Variants in GFY observed in about 807,000 individuals in gnomAD.
GFY encodes the protein Golgi-associated olfactory signaling regulator.
GFY carries 28 observed loss-of-function variants against 29.1 expected under a neutral mutation model. That is an observed-to-expected ratio of 0.96 (90% CI 0.71 to 1.32). GFY has a LOEUF of 1.32. Ranked by LOEUF, GFY falls within the 40% of genes most tolerant of loss-of-function variation. The pLI is 0.00. For missense variants in GFY, 656 were observed against 661.9 expected (o/e 0.99, Z 0.10); for synonymous variants, 277 against 274.5 (o/e 1.01, Z -0.09).
chr19:49,426,488 A>T lies in GFY; in HGVS notation c.58A>T (p.Lys20Ter). The T allele has an allele frequency of 6.5e-7, 1 of 1,536,126 alleles. No individual in the cohort carries two copies. Among genetic ancestry groups the T allele is most frequent in the Non-Finnish European group, 8.7e-7 (1 of 1,146,900 alleles). The change falls in exon 2 of 4, where the codon AAG becomes TAG. Residue 20 changes from lysine (K) to a stop codon, truncating the protein, a stop_gained. Coordinates refer to ENST00000610896, the MANE Select transcript of GFY (RefSeq NM_001195256.2). LOFTEE classifies it high-confidence loss of function. ...CTTCCTCCTCGCCGGCCTGAGGTCC[A>T]AGGCCGCTCCCTCAGCCCCTCTGCC... ...LVFLLAGLRS[K>*]AAPSAPLPLG... is the part of the protein sequence containing the mutation.
In GFY at chr19:49,427,228, C is replaced by T; in HGVS notation, c.798C>T (p.Tyr266=). ...ISQTEFPTTY[Y]QNATDVPRTS... ...AAACAGAATTCCCCACAACCTACTA[C>T]CAAAATGCAACAGATGTACCCAGGA... The change falls in exon 2 of 4, where the codon TAC becomes TAT. Residue 266 remains tyrosine (Y), a synonymous_variant. Coordinates refer to ENST00000610896, the MANE Select transcript of GFY (RefSeq NM_001195256.2). The T allele has an allele frequency of 6.5e-7, 1 of 1,536,104 alleles. No homozygotes were observed. The highest frequency in any genetic ancestry group is 1.2e-5 in the South Asian group (1 of 84,050).
chr19:49,425,125 G>A (rs569086226), upstream of GFY, among the ~76,000 whole-genome samples: 1 of 151,640 alleles, frequency 6.6e-6, no homozygotes, highest in South Asian at 2.1e-4. Context: ...GGGAGCTGGG[G>A]GATACAACTT....
Position 49,426,459 on chromosome 19 carries a change from T to C in GFY, c.29T>C (p.Leu10Pro), listed in dbSNP as rs1194948477. 2.6e-6 allele frequency: 4 copies of C among 1,535,570 alleles called. No individual in the cohort carries two copies. The African/African-American group carries it at 4.1e-5, about 16-fold the overall frequency. ...AAATCATTCAGCCGGATCCTCTTCC[T>C]CGTCTTCCTCCTCGCCGGCCTGAGG... MKSFSRILF[L>P]VFLLAGLRSK... is the part of the protein sequence containing the mutation. Residue 10 changes from leucine to proline, a missense_variant, in exon 2 of 4, where the codon CTC becomes CCC. By Grantham distance (98) the Leu-to-Pro change is moderately conservative. Transcript: ENST00000610896.
At chr19:49,424,387 T>C (rs548529972), upstream of GFY, among the ~76,000 whole-genome samples, 526 of 152,208 alleles carry the variant, frequency 3.5e-3, 9 homozygotes, top group Non-Finnish European at 8.2e-4. Context: ...GGATTACAGG[T>C]GCCCACCATC....
intron 3 of GFY, among the ~76,000 whole-genome samples, 171 bp from the exon 4 acceptor site, chr19:49,428,448 G>A (rs371427649): frequency 4.6e-5 from 7 of 151,994 alleles, no homozygotes; most frequent in African/African-American, 1.7e-4. Context: ...ACGCCTCCTG[G>A]TTTCTGCAGC....
chr19:49,425,761 C>A (rs1975065350), intron 1 of GFY, among the ~76,000 whole-genome samples: 1 of 152,156 alleles, frequency 6.6e-6, no homozygotes, highest in South Asian at 2.1e-4. Flanking sequence ...ACCAAGAGCT[C>A]AAGGCCTCTT....
chr19:49,427,582 C>A lies in GFY; in HGVS notation c.1152C>A (p.Thr384=). The A allele has an allele frequency of 6.7e-7, 1 of 1,485,080 alleles. No homozygotes were observed. The highest frequency in any genetic ancestry group is 8.9e-7 in the Non-Finnish European group (1 of 1,124,472). 92.0% of individuals were successfully genotyped at this position (1,485,080 alleles called of 1,614,324 possible). A position where few individuals can be genotyped will look rare whatever the true frequency, so the allele number is the denominator to read the frequency against. ...ACAGCCGAGGTGAGGGAGTCAACAC[C>A]ATCATCGTGGTGGAGCGAGTGAAGG... is the stretch of plus-strand genomic sequence containing the variant. ...QRHSRGEGVN[T]IIVVERVKET... The change falls in exon 2 of 4, where the codon ACC becomes ACA. Residue 384 remains threonine (T), a synonymous_variant. Transcript: ENST00000610896.
Position 49,426,897 on chromosome 19 carries a change from A to G in GFY, c.467A>G (p.Asn156Ser), listed in dbSNP as rs1975079622. ...HPGSPETPKP[N>S]FSKTSRPEFP... ...GGATCCCCTGAGACCCCCAAACCTA[A>G]CTTCTCCAAAACTTCACGCCCAGAA... Residue 156 changes from asparagine to serine, a missense_variant, in exon 2 of 4, where the codon AAC becomes AGC. Physicochemically the swap from Asn to Ser is conservative, Grantham distance 46. Coordinates refer to ENST00000610896, the MANE Select transcript of GFY (RefSeq NM_001195256.2). 1.3e-6 allele frequency: 2 copies of G among 1,535,630 alleles called. No individual in the cohort carries two copies. Among genetic ancestry groups the G allele is most frequent in the Non-Finnish European group, 1.7e-6 (2 of 1,146,812 alleles).
rs544182454 is a variant in GFY at position 49,426,809 on chromosome 19, A to G, written c.379A>G (p.Lys127Glu). Residue 127 changes from lysine (K) to glutamate (E), a missense_variant, in exon 2 of 4, where the codon AAA becomes GAA. By Grantham distance (56) the Lys-to-Glu change is moderately conservative. Transcript: ENST00000610896. The part of the protein sequence containing the change: ...SLDMPKTNLS[K>E]MAHPESSETP... The stretch of plus-strand genomic sequence containing the variant: ...GGACATGCCCAAAACTAACCTCTCC[A>G]AAATGGCACACCCAGAGTCTTCTGA... The G allele has an allele frequency of 1.6e-5, 25 of 1,535,606 alleles. No homozygotes were observed. In the African/African-American group the frequency reaches 3.4e-4, roughly 21 times the overall value.
Position 49,426,458 on chromosome 19 carries a change from C to T in GFY, c.28C>T (p.Leu10Phe). Reference protein sequence around the residue: MKSFSRILFLVFLLAGLRSK... With the variant: MKSFSRILFFVFLLAGLRSK... Reference sequence around the variant, plus strand: ...GAAATCATTCAGCCGGATCCTCTTCCTCGTCTTCCTCCTCGCCGGCCTGAG... The same window carrying T: ...GAAATCATTCAGCCGGATCCTCTTCTTCGTCTTCCTCCTCGCCGGCCTGAG... The change falls in exon 2 of 4, where the codon CTC (leucine) becomes TTC (phenylalanine). Residue 10 changes from leucine (L) to phenylalanine (F), a missense_variant. Leu to Phe is a conservative substitution (Grantham distance 22, BLOSUM62 0). Coordinates refer to ENST00000610896, the MANE Select transcript of GFY (RefSeq NM_001195256.2). The T allele has an allele frequency of 6.5e-7, 1 of 1,535,712 alleles. No homozygotes were observed.
rs879311710 is a variant in GFY at position 49,426,669 on chromosome 19, C to A, written c.239C>A (p.Thr80Asn). Residue 80 changes from threonine (T) to asparagine (N), a missense_variant, in exon 2 of 4, where the codon ACC becomes AAC. Coordinates refer to ENST00000610896, the MANE Select transcript of GFY (RefSeq NM_001195256.2). The part of the protein sequence containing the change: ...SKLPHTVSLE[T>N]FPLDFTEPLN... The stretch of plus-strand genomic sequence containing the variant: ...CTACCTCATACGGTTTCCCTGGAAA[C>A]CTTCCCACTTGACTTCACTGAGCCC... 2.0e-5 allele frequency: 31 copies of A among 1,536,030 alleles called. No homozygotes were observed. Among genetic ancestry groups the A allele is most frequent in the Non-Finnish European group, 2.7e-5 (31 of 1,146,898 alleles).
rs1233616750 is a variant in GFY, at chr19:49,426,562, T to C, written c.132T>C (p.Pro44=). The C allele has an allele frequency of 3.9e-6, 6 of 1,535,984 alleles. No individual in the cohort carries two copies. Among genetic ancestry groups the C allele is most frequent in the Non-Finnish European group, 5.2e-6 (6 of 1,146,876 alleles). Residue 44 remains proline, a synonymous_variant, in exon 2 of 4, where the codon CCT becomes CCC. Transcript: ENST00000610896. ...PDMAHPSETS[P]LKGASENSKR... ...TGGCCCACCCCTCTGAGACTTCCCC[T>C]CTGAAGGGTGCTTCTGAAAATTCCA...
rs1047490380 is a variant in GFY at position 49,427,512 on chromosome 19, G to T, written c.1082G>T (p.Arg361Leu). 2.0e-6 allele frequency: 3 copies of T among 1,528,778 alleles called. No homozygotes were observed. Among genetic ancestry groups the T allele is most frequent in the South Asian group, 1.2e-5 (1 of 82,922 alleles). The allele number at this position is 1,528,778 out of a possible 1,614,324, so 94.7% of individuals were successfully genotyped here. ...GCAGGTCCCCCTGCTCTTCCAGGGC[G>T]CCCCAGTCAGTTGGCCCCTGCCACT... is the stretch of plus-strand genomic sequence containing the variant. ...RIAGPPALPG[R>L]PSQLAPATLR... The change falls in exon 2 of 4, where the codon CGC (arginine) becomes CTC (leucine). Residue 361 changes from arginine (R) to leucine (L), a missense_variant. Coordinates refer to ENST00000610896, the MANE Select transcript of GFY (RefSeq NM_001195256.2).
chr19:49,428,581 G>A, intron 3 of GFY, 38 bp from the exon 4 acceptor site: 1 of 1,382,342 alleles, frequency 7.2e-7, no homozygotes, highest in Non-Finnish European at 9.4e-7. Context: ...GGCCTGGAGG[G>A]TCAGCCCAGA....
In GFY at chr19:49,427,104, C is replaced by T. The variant is rs1204880026; in HGVS notation, c.674C>T (p.Pro225Leu). The T allele has an allele frequency of 1.3e-6, 2 of 1,535,834 alleles. No homozygotes were observed. The highest frequency in any genetic ancestry group is 4.9e-5 in the East Asian group (2 of 40,912). ...CATGACCTCAACTCCACTGAGACCC[C>T]AAACTCTGAATTTCTCCAAGCTCTC... ...EKHDLNSTET[P>L]NSEFLQALHP... is the part of the protein sequence containing the mutation. The change falls in exon 2 of 4, where the codon CCA becomes CTA. Residue 225 changes from proline (P) to leucine (L), a missense_variant. Pro to Leu is a moderately conservative substitution (Grantham distance 98, BLOSUM62 -3). Coordinates refer to ENST00000610896, the MANE Select transcript of GFY (RefSeq NM_001195256.2).
chr19:49,425,949 C>T (rs1354541719), intron 1 of GFY, among the ~76,000 whole-genome samples: 1 of 152,148 alleles, frequency 6.6e-6, no homozygotes, highest in Non-Finnish European at 1.5e-5. Context: ...GCCCAAATGT[C>T]TCCCTCCTCC....
chr19:49,426,573 C>T lies in GFY; in HGVS notation c.143C>T (p.Ala48Val). The change falls in exon 2 of 4, where the codon GCT becomes GTT. Residue 48 changes from alanine (A) to valine (V), a missense_variant. By Grantham distance (64) the Ala-to-Val change is moderately conservative. Coordinates refer to ENST00000610896, the MANE Select transcript of GFY (RefSeq NM_001195256.2). ...TCTGAGACTTCCCCTCTGAAGGGTG[C>T]TTCTGAAAATTCCAAACGAGATCGC... ...HPSETSPLKG[A>V]SENSKRDRLN... The T allele has an allele frequency of 6.5e-7, 1 of 1,536,068 alleles. No individual in the cohort carries two copies. The highest frequency in any genetic ancestry group is 8.7e-7 in the Non-Finnish European group (1 of 1,146,886).
At chr19:49,424,600 C>T (rs554965445), upstream of GFY, among the ~76,000 whole-genome samples, 4 of 151,716 alleles carry the variant, frequency 2.6e-5, no homozygotes, top group South Asian at 8.4e-4. Context: ...CCTGTAATCC[C>T]AGCACTTTGG....
rs1975086626 is a variant in GFY, at chr19:49,427,322, G to A, written c.892G>A (p.Ala298Thr). 1.3e-6 allele frequency: 2 copies of A among 1,536,206 alleles called. No homozygotes were observed. The highest frequency in any genetic ancestry group is 2.7e-5 in the African/African-American group (2 of 73,160). ...TPVPFKDDAT[A>T]LNELSLNPKP... ...TGTGCCCTTCAAGGATGACGCCACT[G>A]CTCTAAATGAGCTGTCCCTGAATCC... Residue 298 changes from alanine (A) to threonine (T), a missense_variant, in exon 2 of 4, where the codon GCT (alanine) becomes ACT (threonine). By Grantham distance (58) the Ala-to-Thr change is moderately conservative. Transcript: ENST00000610896.
Sources: gnomAD v4.1 joint callset for allele counts (sites outside exome capture counted in the v4.1 genomes callset) on GRCh38, gnomAD v4.1.1 for gene constraint, MANE v1.5 for transcripts, NCBI Gene and HGNC (gene_info 2026-07-23, HGNC 2026-07-21) for gene names.